HIVEP1: variants seen among roughly 807,000 people sequenced by gnomAD.
The protein encoded by HIVEP1 is HIVEP zinc finger 1.
Under a neutral mutation model 180.0 loss-of-function variants are expected in HIVEP1, and 36 were observed. That is an observed-to-expected ratio of 0.20 (90% CI 0.15 to 0.26). HIVEP1 has a LOEUF of 0.26. HIVEP1 is among the 10% of genes least tolerant of loss of function. The probability of loss-of-function intolerance (pLI) is 1.00; values close to 1 mark genes in which losing one functional copy is unlikely to be tolerated. For synonymous variants in HIVEP1, 1,239 were observed against 1,239.0 expected, an observed-to-expected ratio of 1.00 and a Z score of 0.00; for missense variants, 3,143 against 3,268.7, an observed-to-expected ratio of 0.96 and a Z score of 0.94.
At chr6:12,054,353 T>A (rs1010376796) in intron 2 of HIVEP1, among the ~76,000 whole-genome samples, 5 of 152,232 alleles carry the variant, frequency 3.3e-5, no homozygotes, top group Admixed American at 6.5e-5. Flanking sequence ...TTATAGTCAC[T>A]CATAACTGTA....
the HIVEP1 span, among the ~76,000 whole-genome samples, chr6:12,189,106 T>C: frequency 6.6e-6 from 1 of 151,964 alleles, no homozygotes; most frequent in Non-Finnish European, 1.5e-5. Flanking sequence ...TAGATAACGG[T>C]GGAGTGTTTT....
chr6:12,164,296 G>T lies in HIVEP1; in HGVS notation c.7992G>T (p.Leu2664=). 6.2e-7 allele frequency: 1 copy of T among 1,614,038 alleles called. No homozygotes were observed. Among genetic ancestry groups the T allele is most frequent in the South Asian group, 1.1e-5 (1 of 91,078 alleles). ...AACCAGCGTCCACGTCACAACCTCTGCTGAAGGCACATTCTGAAGTTTTTA... is the reference window on the plus strand; with the variant it reads ...AACCAGCGTCCACGTCACAACCTCTTCTGAAGGCACATTCTGAAGTTTTTA... ...QGQPASTSQP[L]LKAHSEVFTK... The change falls in exon 9 of 9, where the codon CTG becomes CTT. Residue 2664 remains leucine, a synonymous_variant. Transcript: ENST00000379388.
intron 7 of HIVEP1, among the ~76,000 whole-genome samples, chr6:12,145,728 C>T (rs1004044195): frequency 2.6e-5 from 4 of 152,134 alleles, no homozygotes; most frequent in Admixed American, 6.5e-5. Context: ...CCTCATAGCA[C>T]TTAACCACCA....
At chr6:12,042,269 G>C in intron 2 of HIVEP1, among the ~76,000 whole-genome samples, 2 of 147,476 alleles carry the variant, frequency 1.4e-5, no homozygotes, top group Non-Finnish European at 3.0e-5. Flanking sequence ...TTTCAGTAGA[G>C]ACGGGGTTTC....
chr6:12,143,545 G>T (rs219945), intron 7 of HIVEP1, among the ~76,000 whole-genome samples: 103,342 of 152,024 alleles, frequency 0.68, 35,427 homozygotes, highest in Non-Finnish European at 0.71. Flanking sequence ...AGGCAATCAG[G>T]CAAGAGAAAG....
chr6:12,061,659 G>C (rs1771244607), intron 2 of HIVEP1, among the ~76,000 whole-genome samples: 1 of 151,962 alleles, frequency 6.6e-6, no homozygotes, highest in Non-Finnish European at 1.5e-5. Flanking sequence ...ATATCAAATA[G>C]AAAATTGCTA....
At chr6:12,113,928 C>G (rs1272778170) in intron 3 of HIVEP1, among the ~76,000 whole-genome samples, 6 of 152,292 alleles carry the variant, frequency 3.9e-5, no homozygotes, top group Admixed American at 2.0e-4. Context: ...GTTTATCACA[C>G]ATTATTTGTT....
intron 2 of HIVEP1, among the ~76,000 whole-genome samples, chr6:12,045,340 G>C (rs1054095465): frequency 2.0e-5 from 3 of 152,212 alleles, no homozygotes; most frequent in African/African-American, 7.2e-5. Context: ...ATTGGCTTCT[G>C]ATACGTTAGA....
intron 2 of HIVEP1, among the ~76,000 whole-genome samples, chr6:12,043,321 T>A (rs1156286974): frequency 1.3e-5 from 2 of 151,936 alleles, no homozygotes; most frequent in Non-Finnish European, 2.9e-5. Flanking sequence ...GCTCATGTAA[T>A]GGCATTTCTC....
chr6:12,041,823 C>T (rs1242790359), intron 2 of HIVEP1, among the ~76,000 whole-genome samples: 1 of 145,814 alleles, frequency 6.9e-6, no homozygotes, highest in Non-Finnish European at 1.5e-5. Context: ...CCATGCCTGG[C>T]TAATTTTTTG....
intron 7 of HIVEP1, among the ~76,000 whole-genome samples, chr6:12,144,534 T>C (rs1759245927): frequency 1.3e-5 from 2 of 151,974 alleles, no homozygotes; most frequent in African/African-American, 4.8e-5. Context: ...ACAAATGGGA[T>C]CTAATTAAAC....
At chr6:12,055,704 G>T (rs1162874110) in intron 2 of HIVEP1, among the ~76,000 whole-genome samples, 1 of 152,216 alleles carries the variant, frequency 6.6e-6, no homozygotes, top group South Asian at 2.1e-4. Context: ...CAAATTTCAG[G>T]ATACAAATTG....
the HIVEP1 span, among the ~76,000 whole-genome samples, chr6:12,210,307 C>T: frequency 6.6e-6 from 1 of 152,216 alleles, no homozygotes; most frequent in Non-Finnish European, 1.5e-5. Flanking sequence ...CGTCCAAACA[C>T]TCCCTACGTT....
chr6:12,135,888 A>G lies in HIVEP1; in HGVS notation c.6483A>G (p.Glu2161=), dbSNP rs1758677450. 7 of 1,592,364 alleles carry G rather than the reference A, an allele frequency of 4.4e-6. No individual in the cohort carries two copies. The highest frequency in any genetic ancestry group is 1.3e-5 in the African/African-American group (1 of 74,446). The change falls in exon 7 of 9, where the codon GAA becomes GAG. Residue 2161 remains glutamate (E), a synonymous_variant. Coordinates refer to ENST00000379388, the MANE Select transcript of HIVEP1 (RefSeq NM_002114.4). The part of the protein sequence containing the change: ...VGLIDEQDTE[E]SDEKQRFSYE... ...TAATAGATGAACAGGATACAGAAGAATCAGGTAAGGCTTTATACCATATTT... is the reference window on the plus strand; with the variant it reads ...TAATAGATGAACAGGATACAGAAGAGTCAGGTAAGGCTTTATACCATATTT...
chr6:12,198,001 G>T, the HIVEP1 span, among the ~76,000 whole-genome samples: 10 of 152,350 alleles, frequency 6.6e-5, no homozygotes, highest in East Asian at 1.9e-3. Context: ...CTGGACGTGG[G>T]TGTCACATGC....
chr6:12,201,310 C>T, the HIVEP1 span, among the ~76,000 whole-genome samples: 1 of 152,118 alleles, frequency 6.6e-6, no homozygotes, highest in Non-Finnish European at 1.5e-5. Flanking sequence ...AACCCCGTTT[C>T]TATAAAAAAT....
intron 2 of HIVEP1, among the ~76,000 whole-genome samples, chr6:12,050,894 G>A (rs1359437735): frequency 6.6e-6 from 1 of 151,126 alleles, no homozygotes; most frequent in Non-Finnish European, 1.5e-5. Flanking sequence ...ATGGTATCGG[G>A]GAACCACAGG....
chr6:12,157,489 A>G (rs907522852), intron 7 of HIVEP1, among the ~76,000 whole-genome samples: 2 of 152,156 alleles, frequency 1.3e-5, no homozygotes, highest in African/African-American at 4.8e-5. Flanking sequence ...AATTGTATTT[A>G]TCTACCTTCA....
chr6:12,098,777 A>T (rs1773921203), intron 3 of HIVEP1, among the ~76,000 whole-genome samples: 1 of 152,234 alleles, frequency 6.6e-6, no homozygotes, highest in Admixed American at 6.5e-5. Flanking sequence ...AAATGAATTT[A>T]AAAAATTAAA....
Sources: allele counts gnomAD v4.1 joint callset (sites outside exome capture counted in the v4.1 genomes callset), GRCh38; gene constraint gnomAD v4.1.1; transcripts MANE v1.5; gene names NCBI Gene and HGNC (gene_info 2026-07-23, HGNC 2026-07-21).